The following ABHD17B variants were observed in gnomAD, a reference collection of about 807,000 sequenced individuals.
ABHD17B encodes alpha/beta hydrolase domain-containing protein 17B.
Under a neutral mutation model 26.2 loss-of-function variants are expected in ABHD17B, and 9 were observed. The observed-to-expected ratio is 0.34, with a 90% CI of 0.21 to 0.60. The LOEUF is 0.60. Among genes scored for constraint, ABHD17B ranks in the 20% least tolerant of loss-of-function variants. ABHD17B has a pLI of 0.80. For synonymous variants in ABHD17B, 127 were observed against 122.3 expected (o/e 1.04, Z -0.25); for missense variants, 224 against 352.1 (o/e 0.64, Z 2.91).
chr9:71,874,484 G>T, intron 2 of ABHD17B, 130 bp downstream of exon 2: 1 of 645,808 alleles, frequency 1.5e-6, no homozygotes, highest in South Asian at 3.0e-5. Context: ...TTATTCACAG[G>T]TATATAATAG....
At chr9:71,863,537 C>T (rs1419706353), downstream of ABHD17B, among the ~76,000 whole-genome samples, 2 of 152,118 alleles carry the variant, frequency 1.3e-5, no homozygotes, top group Admixed American at 6.5e-5. Flanking sequence ...AAGTCTCAAA[C>T]GACCTTACAC....
At chr9:71,891,954 A>G (rs979732540) in intron 1 of ABHD17B, among the ~76,000 whole-genome samples, 1 of 152,226 alleles carries the variant, frequency 6.6e-6, no homozygotes, top group Non-Finnish European at 1.5e-5. Flanking sequence ...ACGATAGCAC[A>G]GTGTAGTCCA....
At chr9:71,873,303 A>G (rs1188961224) in intron 2 of ABHD17B, among the ~76,000 whole-genome samples, 3 of 152,122 alleles carry the variant, frequency 2.0e-5, no homozygotes. Context: ...ACTAGAAAAG[A>G]TTAATGCAAT....
rs1180729763 is a variant in ABHD17B at position 71,894,087 on chromosome 9, C to CAAAAAAA, written c.-4+16540_-4+16546dup. On this transcript the variant is annotated intron_variant, in intron 1 of 3. Coordinates refer to ENST00000333421, the MANE Select transcript of ABHD17B (RefSeq NM_001025780.3). Reference sequence around the variant, plus strand: ...TGGGCGACAGAGCGAGACTCTATCTCAAAAAAAAAAAAAAAAAAAAAAAAA... The same window carrying CAAAAAAA: ...TGGGCGACAGAGCGAGACTCTATCTCAAAAAAAAAAAAAAAAAAAAAAAAAAAAAAAA... Among the ~76,000 whole-genome samples, 25 of 52,324 alleles carry CAAAAAAA rather than the reference C, an allele frequency of 4.8e-4. 1 individual carries two copies. The highest frequency in any genetic ancestry group is 2.1e-3 in the African/African-American group (24 of 11,630). 34.3% of individuals were successfully genotyped at this position (52,324 alleles called of 152,430 possible).
At chr9:71,868,852 C>T (rs754736238) in intron 3 of ABHD17B, among the ~76,000 whole-genome samples, 20 of 152,056 alleles carry the variant, frequency 1.3e-4, no homozygotes, top group Non-Finnish European at 2.9e-4. Context: ...CCATGCCTGG[C>T]TAATTTTTGT....
chr9:71,885,700 A>G (rs1826587507), intron 1 of ABHD17B, among the ~76,000 whole-genome samples: 1 of 152,118 alleles, frequency 6.6e-6, no homozygotes, highest in Non-Finnish European at 1.5e-5. Context: ...GACTAATGTA[A>G]AAAAAAGTCC....
chr9:71,867,833 G>A (rs944574550), intron 3 of ABHD17B, among the ~76,000 whole-genome samples: 3 of 152,064 alleles, frequency 2.0e-5, no homozygotes, highest in African/African-American at 7.2e-5. Context: ...TTACATACTG[G>A]CTACTATGAA....
At chr9:71,905,584 G>A (rs1403353351) in intron 1 of ABHD17B, among the ~76,000 whole-genome samples, 1 of 152,144 alleles carries the variant, frequency 6.6e-6, no homozygotes, top group Non-Finnish European at 1.5e-5. Context: ...TAAAGTTGAA[G>A]ACATTCATAC....
At chr9:71,870,343 CT>C in intron 2 of ABHD17B, 81 bp from the exon 3 acceptor site, 1 of 1,302,542 alleles carries the variant, frequency 7.7e-7, no homozygotes, top group Non-Finnish European at 1.0e-6. Flanking sequence ...AGGATTTGAT[CT>C]TAGAATAAGA....
downstream of ABHD17B, chr9:71,865,147 A>T (rs1208870958): frequency 1.0e-6 from 1 of 985,182 alleles, no homozygotes; most frequent in Non-Finnish European, 1.2e-6. Context: ...GCAAATAAGC[A>T]CAGGTCAGTG....
At chr9:71,907,973 C>G (rs757083523) in intron 1 of ABHD17B, among the ~76,000 whole-genome samples, 7 of 152,230 alleles carry the variant, frequency 4.6e-5, no homozygotes, top group Non-Finnish European at 8.8e-5. Context: ...GAAAACACTG[C>G]TCCAAAGCAA....
At chr9:71,888,520 C>T (rs1826678193) in intron 1 of ABHD17B, among the ~76,000 whole-genome samples, 1 of 152,048 alleles carries the variant, frequency 6.6e-6, no homozygotes, top group Admixed American at 6.6e-5. Flanking sequence ...TTTTTCATAC[C>T]ATAGAACACC....
Position 71,866,018 on chromosome 9 carries a change from C to G in ABHD17B, c.*769G>C, listed in dbSNP as rs1282232316. ...CAGTCAAAATTTAAAACATCGTATACAAAATCATTCTTGAAATCTCTAAAT... is the reference window on the plus strand; with the variant it reads ...CAGTCAAAATTTAAAACATCGTATAGAAAATCATTCTTGAAATCTCTAAAT... On this transcript the variant is annotated 3_prime_UTR_variant, in exon 4 of 4. Transcript: ENST00000333421. The G allele has an allele frequency of 1.2e-5, 12 of 985,226 alleles. No individual in the cohort carries two copies. The highest frequency in any genetic ancestry group is 1.4e-5 in the Non-Finnish European group (12 of 829,896). 61.0% of individuals were successfully genotyped at this position (985,226 alleles called of 1,614,324 possible).
At chr9:71,909,656 T>A (rs190706775) in intron 1 of ABHD17B, among the ~76,000 whole-genome samples, 5 of 152,196 alleles carry the variant, frequency 3.3e-5, no homozygotes, top group African/African-American at 1.2e-4. Flanking sequence ...CATAAAAAAA[T>A]TCCAAATGAA....
chr9:71,862,801 C>G (rs1234615711), downstream of ABHD17B, among the ~76,000 whole-genome samples: 1 of 151,924 alleles, frequency 6.6e-6, no homozygotes, highest in African/African-American at 2.4e-5. Context: ...ATTATTTTTG[C>G]AGAGACAGGG....
chr9:71,905,020 T>TTTCTCCAAAAGAATGATAC (rs1827244904), intron 1 of ABHD17B, among the ~76,000 whole-genome samples: 1 of 152,192 alleles, frequency 6.6e-6, no homozygotes, highest in Non-Finnish European at 1.5e-5. Context: ...TAGAGAAGGC[T>TTTCTCCAAAAGAATGATAC]TTCTCCAAAA....
chr9:71,904,067 T>C (rs149696817), intron 1 of ABHD17B, among the ~76,000 whole-genome samples: 125 of 152,356 alleles, frequency 8.2e-4, no homozygotes, highest in African/African-American at 2.7e-3. Flanking sequence ...GCTAATACTC[T>C]CACTGACTGC....
rs77501764 is a variant in ABHD17B at position 71,895,054 on chromosome 9, A to G, written c.-4+15580T>C. Among the ~76,000 whole-genome samples the G allele has an allele frequency of 3.8e-3, 576 of 152,314 alleles. 14 individuals are homozygous for G. The highest frequency in any genetic ancestry group is 0.025 in the Admixed American group (388 of 15,294). ...GAGCTGAATTTTGTCAAAACAAATC[A>G]AACAGTATTATTATTGACTGGCAAA... On this transcript the variant is annotated intron_variant, in intron 1 of 3. Transcript: ENST00000333421.
At chr9:71,881,012 A>G (rs372599038) in intron 1 of ABHD17B, among the ~76,000 whole-genome samples, 1 of 152,208 alleles carries the variant, frequency 6.6e-6, no homozygotes, top group Non-Finnish European at 1.5e-5. Context: ...GAATTCATAC[A>G]GAACCTCAAG....
Sources: gnomAD v4.1 joint callset for allele counts (sites outside exome capture counted in the v4.1 genomes callset) on GRCh38, gnomAD v4.1.1 for gene constraint, MANE v1.5 for transcripts, NCBI Gene and HGNC (gene_info 2026-07-23, HGNC 2026-07-21) for gene names.